ARHGEF3: variants seen among roughly 807,000 people sequenced by gnomAD.
The protein encoded by ARHGEF3 is 59.8 kDA protein.
A neutral mutation model predicts 63.2 loss-of-function variants in ARHGEF3; 28 were observed. That is an observed-to-expected ratio of 0.44 (90% CI 0.33 to 0.61). ARHGEF3 has a LOEUF of 0.61. ARHGEF3 is among the 20% of genes least tolerant of loss of function. ARHGEF3 has a pLI of 0.03. For synonymous variants in ARHGEF3, 266 were observed against 254.2 expected, an observed-to-expected ratio of 1.05 and a Z score of -0.44; for missense variants, 533 against 659.3, an observed-to-expected ratio of 0.81 and a Z score of 2.10.
At chr3:56,952,589 A>G (rs1699862014) in intron 3 of ARHGEF3, among the ~76,000 whole-genome samples, 2 of 152,236 alleles carry the variant, frequency 1.3e-5, no homozygotes, top group Admixed American at 1.3e-4. Context: ...TAAAATGAAG[A>G]TGAGGCTGAA....
intron 3 of ARHGEF3, among the ~76,000 whole-genome samples, chr3:56,913,175 A>C (rs909296232): frequency 0.014 from 55 of 3,936 alleles, no homozygotes; most frequent in African/African-American, 0.017. Flanking sequence ...ACAACAACAA[A>C]AAAAACTATG....
At chr3:56,920,532 T>C (rs2042098148) in intron 3 of ARHGEF3, among the ~76,000 whole-genome samples, 1 of 152,230 alleles carries the variant, frequency 6.6e-6, no homozygotes, top group African/African-American at 2.4e-5. Context: ...AATATTTAGA[T>C]TTTAGCAGAA....
chr3:57,073,834 C>T (rs201557940), intron 1 of ARHGEF3: 3 of 1,614,224 alleles, frequency 1.9e-6, no homozygotes, highest in African/African-American at 2.7e-5. Context: ...CCCAACAAAC[C>T]CCACTGTGCA....
At chr3:56,893,696 C>T (rs1160039766) in intron 3 of ARHGEF3, among the ~76,000 whole-genome samples, 1 of 151,858 alleles carries the variant, frequency 6.6e-6, no homozygotes, top group Non-Finnish European at 1.5e-5. Context: ...GACCCAGCTA[C>T]TCTGGAGGCT....
chr3:56,972,197 A>G (rs1700943714), intron 2 of ARHGEF3, among the ~76,000 whole-genome samples: 1 of 152,118 alleles, frequency 6.6e-6, no homozygotes, highest in Non-Finnish European at 1.5e-5. Flanking sequence ...GCAGTCTCCA[A>G]GACCTGGGTT....
chr3:56,787,410 C>T (rs1193578845), intron 1 of ARHGEF3, among the ~76,000 whole-genome samples: 2 of 152,122 alleles, frequency 1.3e-5, no homozygotes, highest in African/African-American at 4.8e-5. Context: ...GAGCAGTCAT[C>T]CTACTACACC....
chr3:56,769,269 G>A (rs539726156), intron 2 of ARHGEF3, among the ~76,000 whole-genome samples: 2 of 152,364 alleles, frequency 1.3e-5, no homozygotes, highest in East Asian at 3.9e-4. Flanking sequence ...GGCTCAGGGA[G>A]CGACTGGCCA....
intron 1 of ARHGEF3, among the ~76,000 whole-genome samples, chr3:57,042,721 G>A (rs1318907460): frequency 1.2e-5 from 1 of 83,780 alleles, no homozygotes; most frequent in Non-Finnish European, 2.3e-5. Flanking sequence ...TTTTTAGACG[G>A]AGTCTCGCTC....
intron 4 of ARHGEF3, among the ~76,000 whole-genome samples, chr3:56,838,200 C>T (rs1487911298): frequency 6.6e-6 from 1 of 152,010 alleles, no homozygotes; most frequent in African/African-American, 2.4e-5. Context: ...CTACAATAAA[C>T]AGTTTTGTAA....
chr3:56,825,611 A>G (rs1578612887), intron 4 of ARHGEF3, among the ~76,000 whole-genome samples: 1 of 152,218 alleles, frequency 6.6e-6, no homozygotes, highest in African/African-American at 2.4e-5. Flanking sequence ...AGAATCGACT[A>G]AAGTTATTGC....
chr3:57,068,885 T>A (rs1295619079), intron 1 of ARHGEF3, among the ~76,000 whole-genome samples: 1 of 151,986 alleles, frequency 6.6e-6, no homozygotes, highest in Non-Finnish European at 1.5e-5. Context: ...TTCCAACAAC[T>A]TAAATAAGGG....
chr3:57,004,031 G>T (rs1373961453), intron 2 of ARHGEF3, among the ~76,000 whole-genome samples: 1 of 152,206 alleles, frequency 6.6e-6, no homozygotes, highest in Middle Eastern at 3.2e-3. Flanking sequence ...CAATGACCCT[G>T]ACCCCAGTCC....
intron 1 of ARHGEF3, among the ~76,000 whole-genome samples, chr3:57,067,120 A>G (rs1254938354): frequency 2.0e-5 from 3 of 152,166 alleles, no homozygotes; most frequent in Non-Finnish European, 4.4e-5. Flanking sequence ...ATAAAAATAT[A>G]TTTTTTAAAA....
At chr3:56,980,480 G>A (rs1701283994) in intron 2 of ARHGEF3, among the ~76,000 whole-genome samples, 1 of 152,200 alleles carries the variant, frequency 6.6e-6, no homozygotes, top group African/African-American at 2.4e-5. Flanking sequence ...AAAACTGTAA[G>A]GCGACTCATT....
At chr3:56,799,175 C>G (rs2037514740) in intron 1 of ARHGEF3, among the ~76,000 whole-genome samples, 1 of 152,152 alleles carries the variant, frequency 6.6e-6, no homozygotes, top group African/African-American at 2.4e-5. Flanking sequence ...TTTTTTTACT[C>G]AGTGTACGGT....
intron 1 of ARHGEF3, among the ~76,000 whole-genome samples, chr3:57,045,127 C>T (rs896718910): frequency 3.9e-5 from 6 of 152,038 alleles, no homozygotes; most frequent in Admixed American, 1.3e-4. Context: ...ATTAGCTGGG[C>T]GTGGTGGCGG....
chr3:56,822,321 C>T (rs1356758469), intron 4 of ARHGEF3, among the ~76,000 whole-genome samples: 1 of 152,166 alleles, frequency 6.6e-6, no homozygotes, highest in Non-Finnish European at 1.5e-5. Context: ...AGGGCCCACA[C>T]TTTCCAGTCC....
At chr3:56,935,442 A>G (rs961801678) in intron 3 of ARHGEF3, among the ~76,000 whole-genome samples, 3 of 152,194 alleles carry the variant, frequency 2.0e-5, no homozygotes, top group African/African-American at 4.8e-5. Flanking sequence ...CCCCTTCCAC[A>G]GTGTGGAAGC....
intron 1 of ARHGEF3, among the ~76,000 whole-genome samples, chr3:57,043,406 C>T (rs565059828): frequency 2.6e-4 from 39 of 152,026 alleles, no homozygotes; most frequent in Non-Finnish European, 4.4e-4. Context: ...TGAGCCACAG[C>T]GCCTGGCTGC....
Sources: gnomAD v4.1 joint callset for allele counts (sites outside exome capture counted in the v4.1 genomes callset) on GRCh38, gnomAD v4.1.1 for gene constraint, MANE v1.5 for transcripts, NCBI Gene and HGNC (gene_info 2026-07-23, HGNC 2026-07-21) for gene names.